Variants in IFT122 observed in about 807,000 individuals in gnomAD.
The protein encoded by IFT122 is intraflagellar transport protein 122 homolog.
In IFT122, 118 loss-of-function variants were observed where a neutral mutation model predicts 161.6. The observed-to-expected ratio is 0.73, with a 90% CI of 0.63 to 0.85. The LOEUF (loss-of-function observed/expected upper bound fraction) is 0.85, where lower values mean the gene tolerates loss of function less well. Ranked by LOEUF, IFT122 falls within the 40% of genes least tolerant of loss-of-function variation. The pLI is 0.00. For missense variants in IFT122, 1,381 were observed against 1,579.6 expected, an observed-to-expected ratio of 0.87 and a Z score of 2.13; for synonymous variants, 550 against 602.4, an observed-to-expected ratio of 0.91 and a Z score of 1.27.
Position 129,464,749 on chromosome 3 carries a change from G to A in IFT122, c.531G>A (p.Ser177=), listed in dbSNP as rs150496357. 448 of 1,614,040 alleles carry A rather than the reference G, an allele frequency of 2.8e-4. No individual in the cohort carries two copies. Among genetic ancestry groups the A allele is most frequent in the Admixed American group, 5.7e-4 (34 of 60,014 alleles). The change falls in exon 7 of 30, where the codon TCG becomes TCA. Residue 177 remains serine (S), a synonymous_variant. Coordinates refer to ENST00000348417, the MANE Select transcript of IFT122 (RefSeq NM_052989.3). The stretch of plus-strand genomic sequence containing the variant: ...TCGAGCGGCCGGGGGGCTCCCTCTC[G>A]CCAATATGGTCCATCTGCTGGAACC... ...VKIERPGGSL[S]PIWSICWNPS...
chr3:129,475,105 G>A (rs1221953258), intron 9 of IFT122, among the ~76,000 whole-genome samples: 1 of 152,182 alleles, frequency 6.6e-6, no homozygotes, highest in Non-Finnish European at 1.5e-5. Flanking sequence ...GTTGCATTGA[G>A]TTATGATCAT....
chr3:129,513,875 GCC>G lies in IFT122; in HGVS notation c.2988-511_2988-510del, dbSNP rs1274918450. 1.2e-5 allele frequency: 3 copies of G among 244,060 alleles called. No individual in the cohort carries two copies. The East Asian group carries it at 3.9e-4, about 32-fold the overall frequency. 15.1% of individuals were successfully genotyped at this position (244,060 alleles called of 1,614,324 possible). On this transcript the variant is annotated intron_variant, in intron 24 of 29. Transcript: ENST00000348417. ...CCTCTGGCTGAGGAGCTTCAAGGGG[GCC>G]CCAGAGCACAGGCTGCCGCTCAGAA...
At chr3:129,514,626 C>T (rs1319764739) in intron 25 of IFT122, 72 bp downstream of exon 25, 19 of 1,567,170 alleles carry the variant, frequency 1.2e-5, no homozygotes, top group Non-Finnish European at 1.6e-5. Flanking sequence ...TCTTGCCTGG[C>T]CTGGGTTCCG....
intron 18 of IFT122, among the ~76,000 whole-genome samples, chr3:129,499,418 T>C (rs893284093): frequency 1.4e-5 from 2 of 138,256 alleles, no homozygotes; most frequent in Non-Finnish European, 3.0e-5. Flanking sequence ...AGCCTCACTC[T>C]GAAGCATGTG....
chr3:129,445,288 T>C (rs1315523702), intron 1 of IFT122, among the ~76,000 whole-genome samples: 2 of 152,126 alleles, frequency 1.3e-5, no homozygotes, highest in African/African-American at 4.8e-5. Context: ...ATCCTGCTAC[T>C]GCACTCCAGC....
intron 16 of IFT122, among the ~76,000 whole-genome samples, chr3:129,489,278 C>T (rs2079731387): frequency 1.3e-5 from 2 of 152,178 alleles, no homozygotes; most frequent in Admixed American, 1.3e-4. Context: ...TGAGAACGAG[C>T]TGTGTCACAT....
chr3:129,519,167 C>T lies in IFT122; in HGVS notation c.3452C>T (p.Thr1151Ile). ...TCCATCGGAGATGAGGACCCGTTCA[C>T]AGCTAAGCTGAGCTTTGAGGTGAGG... The part of the protein sequence containing the change: ...KDSIGDEDPF[T>I]AKLSFEQGGS... The change falls in exon 28 of 30, where the codon ACA becomes ATA. Residue 1151 changes from threonine to isoleucine, a missense_variant. Thr to Ile is a moderately conservative substitution (Grantham distance 89, BLOSUM62 -1). Coordinates refer to ENST00000348417, the MANE Select transcript of IFT122 (RefSeq NM_052989.3). The T allele has an allele frequency of 1.2e-6, 2 of 1,614,102 alleles. No individual in the cohort carries two copies. Among genetic ancestry groups the T allele is most frequent in the Non-Finnish European group, 1.7e-6 (2 of 1,179,960 alleles).
chr3:129,499,466 G>C (rs545749684), intron 18 of IFT122, among the ~76,000 whole-genome samples: 2 of 152,280 alleles, frequency 1.3e-5, no homozygotes, highest in East Asian at 3.9e-4. Context: ...GACAGGTCTC[G>C]ATATGTGGAA....
intron 24 of IFT122, 117 bp downstream of exon 24, chr3:129,512,529 A>G: frequency 1.2e-6 from 1 of 824,248 alleles, no homozygotes; most frequent in East Asian, 2.4e-5. Flanking sequence ...CCCTCAGGGA[A>G]GACAGAGAAC....
At chr3:129,505,870 G>C (rs1018157347) in intron 21 of IFT122, among the ~76,000 whole-genome samples, 2 of 152,188 alleles carry the variant, frequency 1.3e-5, no homozygotes, top group Non-Finnish European at 2.9e-5. Context: ...AGTTGGGCTT[G>C]GTTCTGGGAC....
At chr3:129,472,515 A>G (rs979017706) in intron 9 of IFT122, among the ~76,000 whole-genome samples, 2 of 152,126 alleles carry the variant, frequency 1.3e-5, no homozygotes, top group African/African-American at 4.8e-5. Flanking sequence ...AGTGTATATT[A>G]TTTAAGGTTC....
intron 11 of IFT122, among the ~76,000 whole-genome samples, chr3:129,477,393 A>G (rs1421464047): frequency 1.3e-5 from 2 of 152,350 alleles, no homozygotes; most frequent in Middle Eastern, 3.4e-3. Context: ...GTGTATTCAT[A>G]TCTGGATGTG....
chr3:129,458,510 C>A, intron 3 of IFT122, 89 bp from the exon 4 acceptor site: 1 of 1,081,246 alleles, frequency 9.2e-7, no homozygotes, highest in Non-Finnish European at 1.4e-6. Context: ...TTACTAGGTA[C>A]CTTAAAGAAC....
Position 129,478,018 on chromosome 3 carries a change from C to A in IFT122, c.1150C>A (p.Arg384=). ...VQHLITEQKV[R]IKCKELVKKI... ...CTAGATATTTTTTTCTTTGACAGTT[C>A]GGATTAAATGCAAAGAGCTTGTCAA... The change falls in exon 12 of 30, where the codon CGG becomes AGG. Residue 384 remains arginine, a splice_region_variant and synonymous_variant. Coordinates refer to ENST00000348417, the MANE Select transcript of IFT122 (RefSeq NM_052989.3). 1 of 1,613,552 alleles carries A rather than the reference C, an allele frequency of 6.2e-7. No individual in the cohort carries two copies. The highest frequency in any genetic ancestry group is 8.5e-7 in the Non-Finnish European group (1 of 1,179,538).
intron 1 of IFT122, among the ~76,000 whole-genome samples, chr3:129,449,614 T>G (rs2074498890): frequency 6.6e-6 from 1 of 152,204 alleles, no homozygotes; most frequent in African/African-American, 2.4e-5. Context: ...GTTGACCCTT[T>G]GAATAATTTC....
At chr3:129,445,142 A>G (rs2073832404) in intron 1 of IFT122, among the ~76,000 whole-genome samples, 1 of 152,114 alleles carries the variant, frequency 6.6e-6, no homozygotes, top group Admixed American at 6.5e-5. Flanking sequence ...CCTGGCCAAC[A>G]TGGTAAAACC....
At chr3:129,445,920 G>A (rs765091430) in intron 1 of IFT122, among the ~76,000 whole-genome samples, 2 of 152,132 alleles carry the variant, frequency 1.3e-5, no homozygotes, top group Non-Finnish European at 2.9e-5. Flanking sequence ...TAGATTACTG[G>A]TATAAACCAA....
intron 9 of IFT122, among the ~76,000 whole-genome samples, chr3:129,475,223 C>T (rs2077776409): frequency 1.3e-5 from 2 of 152,116 alleles, no homozygotes; most frequent in Non-Finnish European, 2.9e-5. Flanking sequence ...CAAATTGAAA[C>T]CACAATGAGA....
rs2074546855 is a variant in IFT122 at position 129,449,928 on chromosome 3, C to T, written c.99C>T (p.Ser33=). The stretch of plus-strand genomic sequence containing the variant: ...CTCAACTGATTTTGGCTGCCGGAAG[C>T]AGATTACTGGTAGGATTTTGTCTTA... ...DGTQLILAAG[S]RLLVYDTSDG... Residue 33 remains serine (S), a synonymous_variant, in exon 2 of 30, where the codon AGC becomes AGT. Coordinates refer to ENST00000348417, the MANE Select transcript of IFT122 (RefSeq NM_052989.3). The T allele has an allele frequency of 1.2e-6, 2 of 1,608,640 alleles. No individual in the cohort carries two copies. The highest frequency in any genetic ancestry group is 1.1e-5 in the South Asian group (1 of 90,980).
Sources: gnomAD v4.1 joint callset for allele counts (sites outside exome capture counted in the v4.1 genomes callset) on GRCh38, gnomAD v4.1.1 for gene constraint, MANE v1.5 for transcripts, NCBI Gene and HGNC (gene_info 2026-07-23, HGNC 2026-07-21) for gene names.